PPP2R2B: variants seen among roughly 807,000 people sequenced by gnomAD.
The protein encoded by PPP2R2B is serine/threonine-protein phosphatase 2A 55 kDa regulatory subunit B beta isoform.
In PPP2R2B, 5 loss-of-function variants were observed where a neutral mutation model predicts 46.0. The observed-to-expected ratio is 0.11, with a 90% CI of 0.06 to 0.23. The LOEUF is 0.23. PPP2R2B is among the 10% of genes least tolerant of loss of function. The pLI, the probability that PPP2R2B is intolerant of heterozygous loss-of-function variation, is 1.00. For synonymous variants in PPP2R2B, 215 were observed against 206.7 expected, an observed-to-expected ratio of 1.04 and a Z score of -0.34; for missense variants, 367 against 575.0, an observed-to-expected ratio of 0.64 and a Z score of 3.70.
chr5:146,897,279 G>A (rs1762676105), intron 1 of PPP2R2B, among the ~76,000 whole-genome samples: 1 of 152,150 alleles, frequency 6.6e-6, no homozygotes, highest in African/African-American at 2.4e-5. Flanking sequence ...GTGAAAAATG[G>A]AGCGGGTGTG....
intron 1 of PPP2R2B, among the ~76,000 whole-genome samples, chr5:146,983,243 C>T (rs1271644679): frequency 2.3e-5 from 3 of 128,030 alleles, no homozygotes; most frequent in African/African-American, 8.6e-5. Flanking sequence ...TGCAGTGGCA[C>T]AATCTCGGCT....
intron 1 of PPP2R2B, among the ~76,000 whole-genome samples, chr5:146,890,498 G>T (rs1762461966): frequency 6.6e-6 from 1 of 152,302 alleles, no homozygotes; most frequent in East Asian, 1.9e-4. Flanking sequence ...AGTTCATCAT[G>T]TGGGAAACAT....
At chr5:146,891,298 A>G (rs1351061074) in intron 1 of PPP2R2B, among the ~76,000 whole-genome samples, 1 of 152,254 alleles carries the variant, frequency 6.6e-6, no homozygotes, top group Non-Finnish European at 1.5e-5. Context: ...ATCCACTTGT[A>G]GAGTAGTTGT....
chr5:146,816,600 A>G (rs1011330203), intron 2 of PPP2R2B, among the ~76,000 whole-genome samples: 1 of 152,252 alleles, frequency 6.6e-6, no homozygotes, highest in African/African-American at 2.4e-5. Context: ...ATTTTATTTA[A>G]AACTGATTTG....
At chr5:146,603,582 C>T (rs1166802742) in intron 7 of PPP2R2B, among the ~76,000 whole-genome samples, 1 of 152,148 alleles carries the variant, frequency 6.6e-6, no homozygotes, top group East Asian at 1.9e-4. Flanking sequence ...GATAACATAC[C>T]AGCACAGCAC....
intron 1 of PPP2R2B, among the ~76,000 whole-genome samples, chr5:146,959,868 A>G (rs1333844696): frequency 6.6e-6 from 1 of 152,212 alleles, no homozygotes; most frequent in Admixed American, 6.5e-5. Context: ...AAGGGAGACT[A>G]GAAGCAGAGT....
chr5:146,831,114 TA>T (rs1463166977), intron 2 of PPP2R2B, among the ~76,000 whole-genome samples: 2 of 152,190 alleles, frequency 1.3e-5, no homozygotes, highest in South Asian at 2.1e-4. Flanking sequence ...AATAAATGAC[TA>T]TGTTACTCGT....
At chr5:146,735,171 A>T (rs2151212214) in intron 2 of PPP2R2B, among the ~76,000 whole-genome samples, 1 of 152,342 alleles carries the variant, frequency 6.6e-6, no homozygotes, top group South Asian at 2.1e-4. Context: ...CGATGATAAT[A>T]AATTGGGTAG....
At chr5:146,734,314 C>G (rs1176804894) in intron 2 of PPP2R2B, among the ~76,000 whole-genome samples, 1 of 152,082 alleles carries the variant, frequency 6.6e-6, no homozygotes, top group East Asian at 1.9e-4. Context: ...GCCTTGGCCT[C>G]CCAATCTGCT....
chr5:146,617,980 C>A (rs912899255), intron 7 of PPP2R2B, among the ~76,000 whole-genome samples: 11 of 152,142 alleles, frequency 7.2e-5, no homozygotes, highest in Non-Finnish European at 1.3e-4. Flanking sequence ...AGGAGTGAAC[C>A]ACCATGCCAG....
intron 2 of PPP2R2B, chr5:146,856,493 GA>G: frequency 6.4e-7 from 1 of 1,561,320 alleles, no homozygotes; most frequent in Non-Finnish European, 8.8e-7. Context: ...ATAATAATAC[GA>G]ATACCTTTAT....
chr5:146,666,064 T>C (rs1033964420), intron 5 of PPP2R2B, among the ~76,000 whole-genome samples: 1 of 152,224 alleles, frequency 6.6e-6, no homozygotes, highest in Admixed American at 6.5e-5. Context: ...TTGTTAGTTA[T>C]AGCAAAATTT....
chr5:146,830,079 A>G (rs1024766973), intron 2 of PPP2R2B, among the ~76,000 whole-genome samples: 1 of 152,212 alleles, frequency 6.6e-6, no homozygotes, highest in Non-Finnish European at 1.5e-5. Flanking sequence ...GTCAATGCTC[A>G]ATAGATGTTT....
intron 1 of PPP2R2B, among the ~76,000 whole-genome samples, chr5:146,990,165 T>C (rs1027365383): frequency 1.3e-5 from 2 of 151,376 alleles, no homozygotes; most frequent in Non-Finnish European, 3.0e-5. Flanking sequence ...TCCAAAGTAA[T>C]CTTCAAATTC....
chr5:146,829,589 T>C (rs1349301183), intron 2 of PPP2R2B, among the ~76,000 whole-genome samples: 1 of 152,158 alleles, frequency 6.6e-6, no homozygotes, highest in Non-Finnish European at 1.5e-5. Context: ...AAACAGAGAA[T>C]GTATGTTAAG....
At chr5:146,788,178 T>C (rs374971864) in intron 2 of PPP2R2B, among the ~76,000 whole-genome samples, 19 of 152,144 alleles carry the variant, frequency 1.2e-4, no homozygotes, top group African/African-American at 4.6e-4. Context: ...TTCTACTGAG[T>C]CTAGCTATAT....
At chr5:146,595,218 G>A (rs1186089430) in intron 8 of PPP2R2B, among the ~76,000 whole-genome samples, 2 of 152,194 alleles carry the variant, frequency 1.3e-5, no homozygotes, top group African/African-American at 4.8e-5. Flanking sequence ...GCATTTGGGG[G>A]CTGCAAGGGT....
At position 146,638,256 on chromosome 5, in the gene PPP2R2B, G is replaced by C; in HGVS notation, c.785C>G (p.Thr262Ser). The C allele has an allele frequency of 6.2e-7, 1 of 1,612,914 alleles. No individual in the cohort carries two copies. Among genetic ancestry groups the C allele is most frequent in the Non-Finnish European group, 8.5e-7 (1 of 1,179,168 alleles). The change falls in exon 7 of 10, where the codon ACC (threonine) becomes AGC (serine). Residue 262 changes from threonine to serine, a missense_variant. Thr to Ser is a moderately conservative substitution (Grantham distance 58). Transcript: ENST00000394411. ...MRASALCDRHTKFFEEPEDPS... is the reference protein window; with the variant it reads ...MRASALCDRHSKFFEEPEDPS... ...TCCCTTCAGTTGCTACTCACATTTG[G>C]TGTGCCTGTCACACAGGGCAGATGC...
At chr5:146,823,108 C>T (rs1398797291) in intron 2 of PPP2R2B, among the ~76,000 whole-genome samples, 6 of 152,180 alleles carry the variant, frequency 3.9e-5, no homozygotes, top group Non-Finnish European at 8.8e-5. Flanking sequence ...AGCTCAGCCC[C>T]CTGTTCTGGT....
Sources: gnomAD v4.1 joint callset for allele counts (sites outside exome capture counted in the v4.1 genomes callset) on GRCh38, gnomAD v4.1.1 for gene constraint, MANE v1.5 for transcripts, NCBI Gene and HGNC (gene_info 2026-07-23, HGNC 2026-07-21) for gene names.